The following TRHDE variants were observed in gnomAD, a reference collection of about 807,000 sequenced individuals.
TRHDE encodes the protein thyrotropin releasing hormone degrading enzyme, also known as thyrotropin-releasing hormone-degrading ectoenzyme.
TRHDE carries 72 observed loss-of-function variants against 125.7 expected under a neutral mutation model. The ratio of observed to expected loss-of-function variants is 0.57; its 90% CI spans 0.47 to 0.70. The LOEUF (loss-of-function observed/expected upper bound fraction) is 0.70. TRHDE is among the 30% of genes least tolerant of loss of function. The pLI, the probability that TRHDE is intolerant of heterozygous loss-of-function variation, is 0.00. For missense variants in TRHDE, 1,110 were observed against 1,327.1 expected (o/e 0.84, Z 2.54); for synonymous variants, 509 against 509.1 (o/e 1.00, Z 0.00).
chr12:72,630,852 GAAT>G (rs1873464587), intron 15 of TRHDE, among the ~76,000 whole-genome samples: 1 of 137,782 alleles, frequency 7.3e-6, no homozygotes, highest in East Asian at 2.1e-4. Context: ...CAATGAAATA[GAAT>G]AATATATGGA....
At chr12:72,197,822 C>A (rs1877475250) in intron 2 of TRHDE, among the ~76,000 whole-genome samples, 1 of 152,080 alleles carries the variant, frequency 6.6e-6, no homozygotes, top group South Asian at 2.1e-4. Context: ...CCTTCCCTGG[C>A]CATCATATTT....
intron 6 of TRHDE, among the ~76,000 whole-genome samples, chr12:72,514,037 A>G (rs1878719157): frequency 6.6e-6 from 1 of 152,176 alleles, no homozygotes; most frequent in Non-Finnish European, 1.5e-5. Flanking sequence ...GATGAAAACC[A>G]TCTTGGTACA....
intron 1 of TRHDE, among the ~76,000 whole-genome samples, chr12:72,281,614 T>G (rs1879700076): frequency 6.6e-6 from 1 of 152,236 alleles, no homozygotes; most frequent in Non-Finnish European, 1.5e-5. Context: ...ATGCTGTTTG[T>G]GAGATTCTCT....
chr12:72,240,302 A>ATT (rs909415351), intron 2 of TRHDE, among the ~76,000 whole-genome samples: 3 of 38,302 alleles, frequency 7.8e-5, no homozygotes, highest in Non-Finnish European at 1.7e-4. Context: ...TCCTTCTCAC[A>ATT]TTTTATATAT....
At chr12:72,232,170 C>T (rs1278317500) in intron 2 of TRHDE, among the ~76,000 whole-genome samples, 2 of 152,144 alleles carry the variant, frequency 1.3e-5, no homozygotes, top group Non-Finnish European at 2.9e-5. Context: ...TGGGAAGTGC[C>T]AGGGTCAGTC....
intron 2 of TRHDE, among the ~76,000 whole-genome samples, chr12:72,120,853 G>A (rs1189874462): frequency 1.3e-5 from 2 of 151,150 alleles, no homozygotes; most frequent in Admixed American, 1.3e-4. Flanking sequence ...TAATTTTTTT[G>A]TATTTTAGTA....
chr12:72,618,837 G>T, intron 12 of TRHDE, 54 bp from the exon 13 acceptor site: 1 of 1,387,868 alleles, frequency 7.2e-7, no homozygotes, highest in Non-Finnish European at 9.5e-7. Flanking sequence ...ATTTGCGTAA[G>T]TAAAAATCTT....
At chr12:72,506,005 A>G (rs781422616) in intron 6 of TRHDE, among the ~76,000 whole-genome samples, 4 of 152,214 alleles carry the variant, frequency 2.6e-5, no homozygotes, top group Non-Finnish European at 5.9e-5. Flanking sequence ...CCTTTCTTCA[A>G]CAATGCAACC....
At chr12:72,123,450 G>C (rs1875639202) in intron 2 of TRHDE, among the ~76,000 whole-genome samples, 1 of 151,970 alleles carries the variant, frequency 6.6e-6, no homozygotes, top group South Asian at 2.1e-4. Flanking sequence ...CTCATAAAAT[G>C]TCATAATTGA....
Position 72,647,534 on chromosome 12 carries a change from C to T in TRHDE, c.2676-4788C>T, listed in dbSNP as rs200482464. Among the ~76,000 whole-genome samples, 15 of 151,770 alleles carry T rather than the reference C, an allele frequency of 9.9e-5. No homozygotes were observed. In the East Asian group the frequency reaches 1.9e-3, roughly 20 times the overall value. ...CAAGATAAAATTGATAAATCTTAAA[C>T]TAGATTAATTAATGAAAAAGAGAGA... On this transcript the variant is annotated intron_variant, in intron 15 of 18. Transcript: ENST00000261180.
At chr12:72,241,924 A>G (rs1878489846) in intron 2 of TRHDE, among the ~76,000 whole-genome samples, 1 of 152,210 alleles carries the variant, frequency 6.6e-6, no homozygotes, top group African/African-American at 2.4e-5. Flanking sequence ...GATGTTGAAC[A>G]TATTTCATGC....
intron 3 of TRHDE, among the ~76,000 whole-genome samples, chr12:72,404,655 G>A (rs530543324): frequency 3.3e-4 from 50 of 152,158 alleles, no homozygotes; most frequent in Admixed American, 9.2e-4. Flanking sequence ...CAGATCTCAC[G>A]AAACTTACTA....
intron 3 of TRHDE, among the ~76,000 whole-genome samples, chr12:72,429,217 A>T (rs1268188236): frequency 6.6e-6 from 1 of 151,988 alleles, no homozygotes; most frequent in Non-Finnish European, 1.5e-5. Flanking sequence ...AAGGAGAGGG[A>T]TAGCATTAGA....
intron 3 of TRHDE, among the ~76,000 whole-genome samples, chr12:72,424,689 T>C (rs764799743): frequency 2.0e-5 from 3 of 152,208 alleles, no homozygotes; most frequent in Non-Finnish European, 4.4e-5. Flanking sequence ...TATGAACTTG[T>C]TTATACTTCT....
At chr12:72,154,957 G>A (rs1373760254) in intron 2 of TRHDE, among the ~76,000 whole-genome samples, 2 of 152,194 alleles carry the variant, frequency 1.3e-5, no homozygotes, top group Non-Finnish European at 2.9e-5. Flanking sequence ...CTAGATTGGG[G>A]AAGTTCTCCT....
chr12:72,439,692 A>T (rs762697594), intron 3 of TRHDE, among the ~76,000 whole-genome samples: 3 of 151,918 alleles, frequency 2.0e-5, no homozygotes, highest in Non-Finnish European at 4.4e-5. Flanking sequence ...ATCTGCAAAC[A>T]TGAATAATTT....
At chr12:72,373,474 C>T (rs566742374) in intron 2 of TRHDE, among the ~76,000 whole-genome samples, 14 of 152,122 alleles carry the variant, frequency 9.2e-5, no homozygotes, top group Non-Finnish European at 1.6e-4. Flanking sequence ...GAAAAACTGG[C>T]TGTTTCATGT....
chr12:72,444,977 A>G (rs1875204998), intron 3 of TRHDE, among the ~76,000 whole-genome samples: 1 of 151,818 alleles, frequency 6.6e-6, no homozygotes, highest in Admixed American at 6.6e-5. Context: ...GACTTTCATG[A>G]TTCTCTCAGC....
At chr12:72,578,984 G>GTTGTT (rs1555199427) in intron 12 of TRHDE, among the ~76,000 whole-genome samples, 1 of 135,944 alleles carries the variant, frequency 7.4e-6, no homozygotes, top group East Asian at 2.1e-4. Context: ...ACTGTTTAGT[G>GTTGTT]TTTTTTTTTT....
Sources: allele counts gnomAD v4.1 joint callset (sites outside exome capture counted in the v4.1 genomes callset), GRCh38; gene constraint gnomAD v4.1.1; transcripts MANE v1.5; gene names NCBI Gene and HGNC (gene_info 2026-07-23, HGNC 2026-07-21).